The following SNTG1 variants were observed in gnomAD, a reference collection of about 807,000 sequenced individuals.
SNTG1 encodes syntrophin gamma 1, also known as gamma-1-syntrophin.
Under a neutral mutation model 74.7 loss-of-function variants are expected in SNTG1, and 39 were observed. The observed-to-expected ratio is 0.52, with a 90% CI of 0.40 to 0.68. SNTG1 has a LOEUF of 0.68. SNTG1 is among the 30% of genes least tolerant of loss of function. The pLI is 0.00. For synonymous variants in SNTG1, 254 were observed against 217.1 expected (o/e 1.17, Z -1.49); for missense variants, 685 against 609.5 (o/e 1.12, Z -1.30).
intron 2 of SNTG1, among the ~76,000 whole-genome samples, chr8:50,252,490 C>A (rs1032372072): frequency 2.0e-5 from 3 of 151,858 alleles, no homozygotes; most frequent in Non-Finnish European, 2.9e-5. Flanking sequence ...AGAGAAAAAA[C>A]CCAAATAAAT....
intron 2 of SNTG1, among the ~76,000 whole-genome samples, chr8:50,300,768 A>T (rs1267445433): frequency 6.6e-6 from 1 of 152,176 alleles, no homozygotes; most frequent in East Asian, 1.9e-4. Flanking sequence ...AGGTGCTAGC[A>T]ACAAATTTTA....
chr8:50,074,878 C>T (rs1470894998), intron 1 of SNTG1, among the ~76,000 whole-genome samples: 2 of 152,294 alleles, frequency 1.3e-5, no homozygotes, highest in Admixed American at 1.3e-4. Context: ...CCTGAGGGAA[C>T]CGGGGCTGTG....
intron 2 of SNTG1, among the ~76,000 whole-genome samples, chr8:50,221,770 G>T (rs1257412273): frequency 6.6e-6 from 1 of 152,128 alleles, no homozygotes; most frequent in African/African-American, 2.4e-5. Context: ...AGGGAAATTA[G>T]CATATCCATT....
intron 5 of SNTG1, among the ~76,000 whole-genome samples, chr8:50,448,157 T>C (rs540462136): frequency 6.6e-6 from 1 of 152,192 alleles, no homozygotes; most frequent in Admixed American, 6.5e-5. Context: ...CCCACAGAGC[T>C]GAGGGGTGCG....
intron 1 of SNTG1, among the ~76,000 whole-genome samples, chr8:50,138,393 G>A (rs1313876348): frequency 6.6e-6 from 1 of 151,868 alleles, no homozygotes; most frequent in African/African-American, 2.4e-5. Context: ...CGAGGTGGGT[G>A]GGTCAACCGA....
intron 2 of SNTG1, among the ~76,000 whole-genome samples, chr8:50,207,290 C>T (rs1203083060): frequency 1.3e-5 from 2 of 152,066 alleles, no homozygotes; most frequent in Non-Finnish European, 2.9e-5. Context: ...CTGGTTTAGT[C>T]TTGGGAGGGT....
intron 9 of SNTG1, among the ~76,000 whole-genome samples, chr8:50,522,656 G>A (rs113287777): frequency 6.9e-6 from 1 of 144,936 alleles, no homozygotes; most frequent in Non-Finnish European, 1.5e-5. Context: ...TACACTAATT[G>A]CAGCCTTTGC....
rs560964642 is a variant in SNTG1, at chr8:50,720,864, T to C, written c.1284+11886T>C. On this transcript the variant is annotated intron_variant, in intron 17 of 18. Transcript: ENST00000642720. ...TAAATCGTTCTTTCAAATGTTGTTGTTTTTGTTTTTTACCTATGTGGTAAA... is the reference window on the plus strand; with the variant it reads ...TAAATCGTTCTTTCAAATGTTGTTGCTTTTGTTTTTTACCTATGTGGTAAA... Among the ~76,000 whole-genome samples, 5 of 152,312 alleles carry C rather than the reference T, an allele frequency of 3.3e-5. No individual in the cohort carries two copies. The East Asian group carries it at 5.8e-4, about 18-fold the overall frequency.
At chr8:50,136,787 C>T (rs1586429241) in intron 1 of SNTG1, among the ~76,000 whole-genome samples, 1 of 152,192 alleles carries the variant, frequency 6.6e-6, no homozygotes, top group East Asian at 1.9e-4. Flanking sequence ...GACCTACAGG[C>T]CTATTAGCCC....
chr8:50,029,360 T>A (rs893845971), intron 1 of SNTG1, among the ~76,000 whole-genome samples: 1 of 152,050 alleles, frequency 6.6e-6, no homozygotes, highest in African/African-American at 2.4e-5. Flanking sequence ...TTCAATTCCA[T>A]CCTCTTTGTT....
At chr8:50,762,845 G>C (rs550092764) in intron 18 of SNTG1, 3 of 377,894 alleles carry the variant, frequency 7.9e-6, no homozygotes, top group Non-Finnish European at 1.6e-5. Flanking sequence ...TTCCTGCTCC[G>C]AAGCCAGACG....
intron 9 of SNTG1, among the ~76,000 whole-genome samples, chr8:50,512,618 T>A (rs1180087188): frequency 1.3e-5 from 2 of 152,230 alleles, no homozygotes; most frequent in Non-Finnish European, 2.9e-5. Flanking sequence ...CTCGTTTCTT[T>A]TTATTCTTTT....
At chr8:50,329,219 A>C (rs1342921805) in intron 2 of SNTG1, among the ~76,000 whole-genome samples, 2 of 152,092 alleles carry the variant, frequency 1.3e-5, no homozygotes, top group Non-Finnish European at 2.9e-5. Context: ...TGGCTTTTCC[A>C]GGTACACAGT....
rs978125262 is a variant in SNTG1 at position 49,937,734 on chromosome 8, A to G, written c.-103+25503A>G. Among the ~76,000 whole-genome samples the G allele has an allele frequency of 1.8e-4, 27 of 152,204 alleles. 1 individual carries two copies. The highest frequency in any genetic ancestry group is 1.6e-3 in the Admixed American group (25 of 15,286). ...AGGGAAACCAGAGGTAAAAAGGGTCATGTGAAAAATACCAACCAAATGCAA... is the reference window on the plus strand; with the variant it reads ...AGGGAAACCAGAGGTAAAAAGGGTCGTGTGAAAAATACCAACCAAATGCAA... On this transcript the variant is annotated intron_variant, in intron 1 of 18. Transcript: ENST00000642720.
chr8:50,223,218 G>T (rs535467763), intron 2 of SNTG1, among the ~76,000 whole-genome samples: 1 of 151,964 alleles, frequency 6.6e-6, no homozygotes, highest in Non-Finnish European at 1.5e-5. Context: ...AACTGTTCTG[G>T]AATTAGATAT....
At chr8:49,954,397 C>G (rs2129395831) in intron 1 of SNTG1, among the ~76,000 whole-genome samples, 1 of 152,164 alleles carries the variant, frequency 6.6e-6, no homozygotes, top group Non-Finnish European at 1.5e-5. Context: ...GCTGTAAGAT[C>G]TAATAAGTAC....
intron 2 of SNTG1, among the ~76,000 whole-genome samples, chr8:50,250,000 A>T (rs2086575133): frequency 6.6e-6 from 1 of 152,106 alleles, no homozygotes; most frequent in African/African-American, 2.4e-5. Context: ...AAAATGCTTG[A>T]AAAAGAATTA....
chr8:50,540,669 T>A (rs2094340138), intron 11 of SNTG1, among the ~76,000 whole-genome samples: 2 of 152,178 alleles, frequency 1.3e-5, no homozygotes, highest in Non-Finnish European at 2.9e-5. Flanking sequence ...TATTTAATTA[T>A]GTTGTCAGAT....
intron 1 of SNTG1, among the ~76,000 whole-genome samples, chr8:50,009,299 G>T (rs1563465016): frequency 1.3e-5 from 2 of 152,092 alleles, no homozygotes; most frequent in Non-Finnish European, 2.9e-5. Flanking sequence ...TATTTGTGGA[G>T]TTTAATGTTC....
Sources: allele counts gnomAD v4.1 joint callset (sites outside exome capture counted in the v4.1 genomes callset), GRCh38; gene constraint gnomAD v4.1.1; transcripts MANE v1.5; gene names NCBI Gene and HGNC (gene_info 2026-07-23, HGNC 2026-07-21).